Variants in AKAP13 observed in about 807,000 individuals in gnomAD.
The protein encoded by AKAP13 is A-kinase anchoring protein 13, also known as A-kinase anchor protein 13.
Under a neutral mutation model 264.5 loss-of-function variants are expected in AKAP13, and 80 were observed. That is an observed-to-expected ratio of 0.30 (90% CI 0.25 to 0.36). The LOEUF is 0.36. Ranked by LOEUF, AKAP13 falls within the 10% of genes least tolerant of loss-of-function variation. The probability of loss-of-function intolerance (pLI) is 1.00; values close to 1 mark genes in which losing one functional copy is unlikely to be tolerated. For synonymous variants in AKAP13, 1,380 were observed against 1,250.2 expected, an observed-to-expected ratio of 1.10 and a Z score of -2.19; for missense variants, 3,712 against 3,435.2, an observed-to-expected ratio of 1.08 and a Z score of -2.01.
chr15:85,543,885 C>G lies in AKAP13; in HGVS notation c.592C>G (p.Gln198Glu). 1.2e-6 allele frequency: 2 copies of G among 1,614,100 alleles called. No homozygotes were observed. The highest frequency in any genetic ancestry group is 1.7e-6 in the Non-Finnish European group (2 of 1,180,002). The change falls in exon 5 of 37, where the codon CAG becomes GAG. Residue 198 changes from glutamine to glutamate, a missense_variant. Physicochemically the swap from Gln to Glu is conservative, Grantham distance 29. Coordinates refer to ENST00000394518, the MANE Select transcript of AKAP13 (RefSeq NM_007200.5). ...GGRGALSIHN[Q>E]EGATPVSLAL... The stretch of plus-strand genomic sequence containing the variant: ...CCGCGGAGCTCTCAGTATCCACAAC[C>G]AGGAAGGGGCGACGCCTGTGAGCTT...
At chr15:85,381,234 C>T (rs529241756) in intron 1 of AKAP13, among the ~76,000 whole-genome samples, 1 of 152,144 alleles carries the variant, frequency 6.6e-6, no homozygotes, top group South Asian at 2.1e-4. Flanking sequence ...GTGGAGTCCC[C>T]GCCGTGGAGT....
chr15:85,536,648 G>A (rs1218078467), intron 4 of AKAP13: 1 of 152,176 alleles, frequency 6.6e-6, no homozygotes, highest in Non-Finnish European at 1.5e-5. Context: ...GCAATAAAAA[G>A]AAGCAAACTG....
chr15:85,586,895 T>C (rs1248802211), intron 8 of AKAP13, among the ~76,000 whole-genome samples: 3 of 150,372 alleles, frequency 2.0e-5, no homozygotes, highest in Non-Finnish European at 4.4e-5. Context: ...GCCATAGCAC[T>C]GTAGCCTGGG....
chr15:85,454,231 A>C (rs947011220), intron 1 of AKAP13, among the ~76,000 whole-genome samples: 3 of 152,168 alleles, frequency 2.0e-5, no homozygotes, highest in Non-Finnish European at 4.4e-5. Context: ...AGAAAGCCCA[A>C]GTATCTAAGG....
At chr15:85,678,300 G>C (rs2084367579) in intron 14 of AKAP13, among the ~76,000 whole-genome samples, 1 of 152,164 alleles carries the variant, frequency 6.6e-6, no homozygotes, top group African/African-American at 2.4e-5. Context: ...ACCACTTGCT[G>C]ATTCTAAGTT....
At position 85,580,461 on chromosome 15, in the gene AKAP13, A is replaced by G. The variant is rs1399439944; in HGVS notation, c.2393A>G (p.Lys798Arg). Residue 798 changes from lysine (K) to arginine (R), a missense_variant, in exon 7 of 37, where the codon AAG becomes AGG. Lys to Arg is a conservative substitution (Grantham distance 26, BLOSUM62 2). Transcript: ENST00000394518. The part of the protein sequence containing the change: ...ANSPGSESVT[K>R]DDALSFVPSQ... Reference sequence around the variant, plus strand: ...AGTCCAGGCAGTGAATCAGTAACCAAGGATGACGCACTTTCTTTTGTCCCC... The same window carrying G: ...AGTCCAGGCAGTGAATCAGTAACCAGGGATGACGCACTTTCTTTTGTCCCC... The G allele has an allele frequency of 6.2e-7, 1 of 1,614,124 alleles. No homozygotes were observed. The highest frequency in any genetic ancestry group is 1.3e-5 in the African/African-American group (1 of 74,940).
rs747251205 is a variant in AKAP13 at position 85,575,278 on chromosome 15, C to T, written c.810C>T (p.Asp270=). 25 of 1,614,006 alleles carry T rather than the reference C, an allele frequency of 1.5e-5. No homozygotes were observed. The highest frequency in any genetic ancestry group is 2.2e-5 in the South Asian group (2 of 91,076). The change falls in exon 6 of 37, where the codon GAC becomes GAT. Residue 270 remains aspartate (D), a synonymous_variant. Coordinates refer to ENST00000394518, the MANE Select transcript of AKAP13 (RefSeq NM_007200.5). ...DSHHEHPFPG[D]GCTGPIFKLM... is the part of the protein sequence containing the mutation. ...ATCATGAACACCCATTTCCTGGAGACGGTTGCACTGGACCAATTTTTAAAC... is the reference window on the plus strand; with the variant it reads ...ATCATGAACACCCATTTCCTGGAGATGGTTGCACTGGACCAATTTTTAAAC...
intron 9 of AKAP13, among the ~76,000 whole-genome samples, chr15:85,642,912 T>C (rs1388456098): frequency 6.6e-6 from 1 of 152,060 alleles, no homozygotes; most frequent in Non-Finnish European, 1.5e-5. Flanking sequence ...CCCATATTTT[T>C]CCCTCAACCA....
At chr15:85,396,011 TATAC>T (rs1483927511) in intron 1 of AKAP13, among the ~76,000 whole-genome samples, 1 of 102,002 alleles carries the variant, frequency 9.8e-6, no homozygotes, top group African/African-American at 3.4e-5. Flanking sequence ...AATTTTTGAC[TATAC>T]ATACATACAC....
chr15:85,539,743 T>C, intron 4 of AKAP13, among the ~76,000 whole-genome samples: 1 of 152,168 alleles, frequency 6.6e-6, no homozygotes, highest in East Asian at 1.9e-4. Context: ...TCTGCCTTCC[T>C]TCTCTGTGGG....
chr15:85,681,330 T>C (rs1028848695), intron 14 of AKAP13, among the ~76,000 whole-genome samples: 1 of 152,226 alleles, frequency 6.6e-6, no homozygotes, highest in Non-Finnish European at 1.5e-5. Flanking sequence ...TTGAAAATCA[T>C]TTATCACTGT....
rs1446846841 is a variant in AKAP13, at chr15:85,581,888, G to A, written c.3820G>A (p.Glu1274Lys). Residue 1274 changes from glutamate to lysine, a missense_variant, in exon 7 of 37, where the codon GAG becomes AAG. By Grantham distance (56) the Glu-to-Lys change is moderately conservative. Around this residue, in one of 3 missense-constraint regions of AKAP13, gnomAD observed 2,759 missense variants for 2,411.7 expected, o/e 1.14. Transcript: ENST00000394518. ...KAAGALLTEGEACHMSLSSPE... is the reference protein window; with the variant it reads ...KAAGALLTEGKACHMSLSSPE... ...CGCTGGAGCACTGCTTACTGAGGGG[G>A]AGGCCTGTCACATGTCACTGTCCAG... 2.5e-6 allele frequency: 4 copies of A among 1,614,174 alleles called. No homozygotes were observed. Among genetic ancestry groups the A allele is most frequent in the Non-Finnish European group, 3.4e-6 (4 of 1,179,994 alleles).
At chr15:85,555,488 A>G (rs2151245369) in intron 5 of AKAP13, 3 of 1,280,078 alleles carry the variant, frequency 2.3e-6, no homozygotes, top group Non-Finnish European at 3.1e-6. Context: ...TTGGGCAGCC[A>G]TGTGTGAGTA....
intron 1 of AKAP13, among the ~76,000 whole-genome samples, chr15:85,477,338 G>C (rs1312835863): frequency 6.6e-6 from 1 of 151,924 alleles, no homozygotes; most frequent in Non-Finnish European, 1.5e-5. Context: ...GAAGAAGAAT[G>C]ATCTGGGCTA....
intron 1 of AKAP13, among the ~76,000 whole-genome samples, chr15:85,458,372 T>C (rs1038442643): frequency 6.9e-6 from 1 of 143,930 alleles, no homozygotes. Context: ...TTTTTCTCTT[T>C]TTTTGTATTT....
intron 1 of AKAP13, among the ~76,000 whole-genome samples, chr15:85,430,621 A>G (rs1448177316): frequency 2.0e-5 from 3 of 152,170 alleles, no homozygotes; most frequent in Non-Finnish European, 4.4e-5. Context: ...TTGGAGTGAT[A>G]CTGTGGGTCT....
intron 8 of AKAP13, among the ~76,000 whole-genome samples, chr15:85,590,734 T>G (rs2151329715): frequency 6.6e-6 from 1 of 152,356 alleles, no homozygotes; most frequent in African/African-American, 2.4e-5. Flanking sequence ...GCCAAAGTTT[T>G]AATGCCCATT....
rs2076384692 is a variant in AKAP13 at position 85,510,594 on chromosome 15, A to C, written c.34-10834A>C. 2.6e-5 allele frequency among the ~76,000 whole-genome samples: 4 copies of C among 152,226 alleles called. No homozygotes were observed. The South Asian group carries it at 8.3e-4, about 32-fold the overall frequency. ...TGGCAGTTCTATATGTATATTTGCT[A>C]GCAGTAAGTCATTTGAAAATCCTTT... On this transcript the variant is annotated intron_variant, in intron 2 of 36. Transcript: ENST00000394518.
At chr15:85,415,516 A>C in intron 1 of AKAP13, 1 of 1,521,180 alleles carries the variant, frequency 6.6e-7, no homozygotes, top group South Asian at 1.1e-5. Flanking sequence ...TTGGTTCAAC[A>C]TCAGGAGTGG....
Sources: allele counts gnomAD v4.1 joint callset (sites outside exome capture counted in the v4.1 genomes callset), GRCh38; gene constraint gnomAD v4.1.1; regional missense constraint gnomAD v4.1.1; transcripts MANE v1.5; gene names NCBI Gene and HGNC (gene_info 2026-07-23, HGNC 2026-07-21).